Variants in NTM observed in about 807,000 individuals in gnomAD.
NTM encodes IgLON family member 2.
Under a neutral mutation model 42.1 loss-of-function variants are expected in NTM, and 13 were observed. The ratio of observed to expected loss-of-function variants is 0.31; its 90% CI spans 0.20 to 0.49. NTM has a LOEUF of 0.49. Ranked by LOEUF, NTM falls within the 20% of genes least tolerant of loss-of-function variation. The pLI, the probability that NTM is intolerant of heterozygous loss-of-function variation, is 0.99. For missense variants in NTM, 373 were observed against 452.8 expected, an observed-to-expected ratio of 0.82 and a Z score of 1.60; for synonymous variants, 187 against 179.2, an observed-to-expected ratio of 1.04 and a Z score of -0.35.
chr11:132,167,816 T>C (rs934341959), intron 3 of NTM, among the ~76,000 whole-genome samples: 3 of 152,324 alleles, frequency 2.0e-5, no homozygotes, highest in South Asian at 4.1e-4. Flanking sequence ...CTAACAACTA[T>C]TCTTCCCCCT....
chr11:131,840,178 G>A (rs1007583532), intron 1 of NTM, among the ~76,000 whole-genome samples: 4 of 152,144 alleles, frequency 2.6e-5, no homozygotes, highest in Admixed American at 6.5e-5. Context: ...GTTGTGATAC[G>A]GATGCTATTT....
intron 1 of NTM, chr11:131,663,040 C>T (rs1343289292): frequency 6.6e-6 from 1 of 152,102 alleles, no homozygotes; most frequent in Admixed American, 6.5e-5. Flanking sequence ...CAACACATTC[C>T]CCAGCACTAC....
At chr11:132,031,621 G>A (rs76385835) in intron 2 of NTM, among the ~76,000 whole-genome samples, 3,258 of 152,262 alleles carry the variant, frequency 0.021, 45 homozygotes, top group South Asian at 0.055. Context: ...TTTGAAGGTT[G>A]AGGGCAGGGA....
chr11:131,770,189 G>T (rs1287442101), intron 1 of NTM, among the ~76,000 whole-genome samples: 3 of 152,206 alleles, frequency 2.0e-5, no homozygotes, highest in Non-Finnish European at 2.9e-5. Context: ...CAGGTAGCAG[G>T]ATTCTAGTCA....
At chr11:131,574,611 C>T (rs2057760049) in intron 1 of NTM, among the ~76,000 whole-genome samples, 1 of 92,748 alleles carries the variant, frequency 1.1e-5, no homozygotes. Flanking sequence ...TTTACATTCA[C>T]TTAGGTAGGG....
rs11436430 is a variant in NTM at position 131,644,758 on chromosome 11, AT to A, written c.83-266796del. On this transcript the variant is annotated intron_variant, in intron 1 of 8. Coordinates refer to ENST00000683400, the MANE Select transcript of NTM (RefSeq NM_001352005.2). The stretch of plus-strand genomic sequence containing the variant: ...TTTTCTTAAGAAGATTGAAAGATAC[AT>A]TTTTTTTTTCCTTTGGCCAATTTGG... Among the ~76,000 whole-genome samples the A allele has an allele frequency of 5.0e-3, 756 of 150,088 alleles. 5 individuals carry two copies. The highest frequency in any genetic ancestry group is 0.017 in the African/African-American group (683 of 40,860).
chr11:131,651,183 G>A lies in NTM; in HGVS notation c.83-260381G>A, dbSNP rs144982745. Among the ~76,000 whole-genome samples, 396 of 152,240 alleles carry A rather than the reference G, an allele frequency of 2.6e-3. 4 individuals are homozygous for A. Among genetic ancestry groups the A allele is most frequent in the African/African-American group, 9.2e-3 (383 of 41,550 alleles). ...AGCTCCTCAAATATGCATTTGTTGA[G>A]GATTTACTTTGACAGATACTGTGTA... is the stretch of plus-strand genomic sequence containing the variant. On this transcript the variant is annotated intron_variant, in intron 1 of 8. Coordinates refer to ENST00000683400, the MANE Select transcript of NTM (RefSeq NM_001352005.2).
At chr11:131,976,859 G>A (rs545874910) in intron 2 of NTM, among the ~76,000 whole-genome samples, 42 of 152,246 alleles carry the variant, frequency 2.8e-4, no homozygotes, top group Non-Finnish European at 4.7e-4. Context: ...TGCTCCCTCC[G>A]GAGCACAGGT....
At chr11:131,685,517 G>A (rs1031181770) in intron 1 of NTM, among the ~76,000 whole-genome samples, 4 of 152,148 alleles carry the variant, frequency 2.6e-5, no homozygotes, top group Admixed American at 6.5e-5. Context: ...TCCCCTGTAC[G>A]CCAAGCACAT....
At chr11:132,045,087 T>C (rs1292387858) in intron 2 of NTM, among the ~76,000 whole-genome samples, 1 of 152,190 alleles carries the variant, frequency 6.6e-6, no homozygotes, top group Non-Finnish European at 1.5e-5. Flanking sequence ...AAAGAAAATG[T>C]CAGGCCAATA....
At chr11:131,541,372 CCTT>C (rs1377000494) in intron 1 of NTM, among the ~76,000 whole-genome samples, 1 of 152,100 alleles carries the variant, frequency 6.6e-6, no homozygotes, top group African/African-American at 2.4e-5. Flanking sequence ...TCCTGGATGC[CCTT>C]CTTGGTTGCA....
At chr11:131,954,906 C>A (rs1156241824) in intron 2 of NTM, among the ~76,000 whole-genome samples, 1 of 152,078 alleles carries the variant, frequency 6.6e-6, no homozygotes, top group Admixed American at 6.5e-5. Flanking sequence ...TATTTTATTG[C>A]TACACAATAT....
At chr11:131,892,803 C>A (rs2051582904) in intron 1 of NTM, among the ~76,000 whole-genome samples, 1 of 152,240 alleles carries the variant, frequency 6.6e-6, no homozygotes, top group South Asian at 2.1e-4. Context: ...CTCCTCCTGA[C>A]AAGAATCCAC....
At chr11:131,737,437 T>C (rs1246252066) in intron 1 of NTM, among the ~76,000 whole-genome samples, 2 of 152,330 alleles carry the variant, frequency 1.3e-5, no homozygotes, top group East Asian at 3.9e-4. Flanking sequence ...CCCTTCTCAG[T>C]AGAAGAGAAA....
intron 1 of NTM, among the ~76,000 whole-genome samples, chr11:131,884,125 G>T (rs2137336975): frequency 6.6e-6 from 1 of 152,288 alleles, no homozygotes; most frequent in Non-Finnish European, 1.5e-5. Context: ...ACACTAAAAA[G>T]TTGGCTGGGC....
At chr11:131,671,611 G>T in intron 1 of NTM, 1 of 985,366 alleles carries the variant, frequency 1.0e-6, no homozygotes, top group Non-Finnish European at 1.2e-6. Flanking sequence ...CTGCGACTTG[G>T]CAGAGGTGGC....
At chr11:131,776,133 C>T (rs189839682) in intron 1 of NTM, among the ~76,000 whole-genome samples, 4 of 152,272 alleles carry the variant, frequency 2.6e-5, no homozygotes, top group Non-Finnish European at 4.4e-5. Flanking sequence ...TGTGGAAGCT[C>T]CACTCTTAAT....
At chr11:132,239,451 TTTC>T (rs2089759633) in intron 4 of NTM, among the ~76,000 whole-genome samples, 1 of 152,098 alleles carries the variant, frequency 6.6e-6, no homozygotes, top group African/African-American at 2.4e-5. Flanking sequence ...AATTCCAGGG[TTTC>T]TTCTTTAAAA....
chr11:131,704,421 A>G (rs1023823352), intron 1 of NTM, among the ~76,000 whole-genome samples: 1 of 152,218 alleles, frequency 6.6e-6, no homozygotes, highest in Non-Finnish European at 1.5e-5. Context: ...TTCAATAGCA[A>G]GCCTCACTAT....
Sources: allele counts gnomAD v4.1 joint callset (sites outside exome capture counted in the v4.1 genomes callset), GRCh38; gene constraint gnomAD v4.1.1; transcripts MANE v1.5; gene names NCBI Gene and HGNC (gene_info 2026-07-23, HGNC 2026-07-21).